The following PIEZO2 variants were observed in gnomAD, a reference collection of about 807,000 sequenced individuals.
PIEZO2 encodes the protein piezo-type mechanosensitive ion channel component 2.
Under a neutral mutation model 337.3 loss-of-function variants are expected in PIEZO2, and 172 were observed. That is an observed-to-expected ratio of 0.51 (90% CI 0.45 to 0.58). The LOEUF (loss-of-function observed/expected upper bound fraction) is 0.58. Ranked by LOEUF, PIEZO2 falls within the 20% of genes least tolerant of loss-of-function variation. The probability of loss-of-function intolerance (pLI) is 0.00; values close to 1 mark genes in which losing one functional copy is unlikely to be tolerated. For synonymous variants in PIEZO2, 1,251 were observed against 1,228.5 expected (o/e 1.02, Z -0.38); for missense variants, 3,028 against 3,391.3 (o/e 0.89, Z 2.66).
chr18:10,759,482 A>T lies in PIEZO2; in HGVS notation c.3757T>A (p.Tyr1253Asn). ...IVRPNPVFLV[Y>N]DFMLLLCASL... ...GTGGCCCTGCAGTGGAAACACTTAC[A>T]GACGAGAAACACAGGGTTGGGCCGC... is the stretch of plus-strand genomic sequence containing the variant. Residue 1253 changes from tyrosine to asparagine, a missense_variant and splice_region_variant, in exon 26 of 56, where the codon TAT becomes AAT. Coordinates refer to ENST00000674853, the MANE Select transcript of PIEZO2 (RefSeq NM_001378183.1). This position sits in a 1 kb window ranked among gnomAD's most constrained non-coding sequence, Gnocchi z 5.5. 6.5e-7 allele frequency: 1 copy of T among 1,535,978 alleles called. No individual in the cohort carries two copies. Among genetic ancestry groups the T allele is most frequent in the East Asian group, 2.4e-5 (1 of 40,908 alleles).
intron 2 of PIEZO2, among the ~76,000 whole-genome samples, chr18:11,024,870 C>T (rs1034201606): frequency 4.0e-5 from 6 of 151,440 alleles, no homozygotes; most frequent in Non-Finnish European, 8.8e-5. Flanking sequence ...AACTCCTGAT[C>T]TTAGGTGATC....
chr18:10,687,480 A>G (rs2034598200), intron 49 of PIEZO2, among the ~76,000 whole-genome samples: 1 of 126,688 alleles, frequency 7.9e-6, no homozygotes, highest in Admixed American at 8.9e-5. Context: ...TTCTGGGCAC[A>G]TAAGAATGTG....
intron 1 of PIEZO2, among the ~76,000 whole-genome samples, chr18:11,130,338 C>G (rs747750294): frequency 2.0e-4 from 30 of 152,258 alleles, no homozygotes; most frequent in Non-Finnish European, 3.7e-4. Context: ...TGGTATGCAG[C>G]CATTGACTTG....
Position 11,001,930 on chromosome 18 carries a change from G to GAAGGAAGGAAGT in PIEZO2, c.161-22271_161-22270insACTTCCTTCCTT, listed in dbSNP as rs1292966158. ...AGAAGGAAGGAAGGAAGGAAGGAAG[G>GAAGGAAGGAAGT]AAGGAAGGAAGGAAGGAAGAAAAAA... On this transcript the variant is annotated intron_variant, in intron 2 of 55. Coordinates refer to ENST00000674853, the MANE Select transcript of PIEZO2 (RefSeq NM_001378183.1). The surrounding 1 kb of genome is among the most constrained non-coding windows in gnomAD (Gnocchi z 5.3). 6.7e-6 allele frequency among the ~76,000 whole-genome samples: 1 copy of GAAGGAAGGAAGT among 149,586 alleles called. No individual in the cohort carries two copies. The highest frequency in any genetic ancestry group is 1.5e-5 in the Non-Finnish European group (1 of 67,444).
At chr18:11,062,656 A>G (rs2038008975) in intron 2 of PIEZO2, among the ~76,000 whole-genome samples, 3 of 152,264 alleles carry the variant, frequency 2.0e-5, no homozygotes, top group Admixed American at 6.5e-5. Flanking sequence ...GACACACGAA[A>G]AAATGCTCAT....
intron 29 of PIEZO2, among the ~76,000 whole-genome samples, chr18:10,749,040 G>T (rs17488092): frequency 0.62 from 94,558 of 152,020 alleles, 31,158 homozygotes; most frequent in African/African-American, 0.85. Flanking sequence ...AGAATAATGA[G>T]CACAGCATGG....
intron 3 of PIEZO2, among the ~76,000 whole-genome samples, chr18:10,967,607 C>A (rs2034064487): frequency 6.6e-6 from 1 of 152,130 alleles, no homozygotes; most frequent in African/African-American, 2.4e-5. Context: ...TCCATGCCAA[C>A]ATCTATTTTT....
intron 50 of PIEZO2, 105 bp downstream of exon 50, chr18:10,681,999 G>A (rs1013657732): frequency 5.8e-5 from 68 of 1,168,180 alleles, no homozygotes; most frequent in East Asian, 1.5e-4. Flanking sequence ...GTCAAATGCC[G>A]ACAGCAGGGT....
chr18:10,734,254 G>C (rs11080448), intron 35 of PIEZO2, among the ~76,000 whole-genome samples: 49,481 of 152,066 alleles, frequency 0.33, 8,856 homozygotes, highest in East Asian at 0.53. Flanking sequence ...AGCAGAAATG[G>C]TAAATACTAC....
At chr18:10,934,202 G>C (rs1029246867) in intron 3 of PIEZO2, among the ~76,000 whole-genome samples, 2 of 152,226 alleles carry the variant, frequency 1.3e-5, no homozygotes, top group African/African-American at 4.8e-5. Context: ...AAAAAAGGGA[G>C]TGTTAATTGA....
At chr18:10,709,753 G>A (rs1466365068) in intron 39 of PIEZO2, among the ~76,000 whole-genome samples, 2 of 152,242 alleles carry the variant, frequency 1.3e-5, no homozygotes, top group Non-Finnish European at 1.5e-5. Context: ...TGCTCCAGTG[G>A]GGCCGGCCAT....
Position 10,877,560 on chromosome 18 carries a change from A to G in PIEZO2, c.330-6145T>C, listed in dbSNP as rs942420765. On this transcript the variant is annotated intron_variant, in intron 4 of 55. Coordinates refer to ENST00000674853, the MANE Select transcript of PIEZO2 (RefSeq NM_001378183.1). The surrounding 1 kb of genome is among the most constrained non-coding windows in gnomAD (Gnocchi z 5.3). ...ACGGCTGTCATCAACCTAGTGACCA[A>G]AACAGAACCTGGAAGCTTCCATTCT... Among the ~76,000 whole-genome samples the G allele has an allele frequency of 7.2e-5, 11 of 152,122 alleles. No homozygotes were observed. The highest frequency in any genetic ancestry group is 2.6e-4 in the Admixed American group (4 of 15,278).
chr18:11,023,124 A>T (rs2036376550), intron 2 of PIEZO2, among the ~76,000 whole-genome samples: 1 of 152,156 alleles, frequency 6.6e-6, no homozygotes, highest in Non-Finnish European at 1.5e-5. Flanking sequence ...AGCAGCAGCA[A>T]GATTTACTGC....
At chr18:10,735,931 A>C (rs1242904513) in intron 34 of PIEZO2, among the ~76,000 whole-genome samples, 1 of 152,232 alleles carries the variant, frequency 6.6e-6, no homozygotes, top group East Asian at 1.9e-4. Context: ...AAAGAAACAC[A>C]GACCAATTTT....
At chr18:10,932,329 G>A (rs1038144179) in intron 3 of PIEZO2, among the ~76,000 whole-genome samples, 6 of 152,080 alleles carry the variant, frequency 3.9e-5, no homozygotes, top group Non-Finnish European at 8.8e-5. Context: ...CTGGGAAGTC[G>A]AGCCAGCAGT....
intron 1 of PIEZO2, among the ~76,000 whole-genome samples, chr18:11,120,044 G>A (rs2039988593): frequency 6.6e-6 from 1 of 152,218 alleles, no homozygotes; most frequent in Admixed American, 6.5e-5. Context: ...ATCAGAATCA[G>A]TCGGAATTGC....
chr18:11,090,768 T>C (rs756402294), intron 1 of PIEZO2, among the ~76,000 whole-genome samples: 12 of 151,844 alleles, frequency 7.9e-5, no homozygotes, highest in South Asian at 6.3e-4. Context: ...AAAAACTAGC[T>C]GGGCGTGGTG....
intron 3 of PIEZO2, among the ~76,000 whole-genome samples, chr18:10,963,674 A>G (rs755673412): frequency 1.2e-4 from 19 of 152,228 alleles, no homozygotes; most frequent in South Asian, 4.1e-4. Context: ...CTTAAAACAC[A>G]TGGAATAATA....
chr18:10,983,954 C>T (rs2034772281), intron 2 of PIEZO2, among the ~76,000 whole-genome samples: 1 of 152,042 alleles, frequency 6.6e-6, no homozygotes, highest in Admixed American at 6.6e-5. Context: ...GCACACAATC[C>T]TAAGATTTCT....
Sources: allele counts gnomAD v4.1 joint callset (sites outside exome capture counted in the v4.1 genomes callset), GRCh38; gene constraint gnomAD v4.1.1; non-coding constraint Gnocchi (gnomAD v3.1); transcripts MANE v1.5; gene names NCBI Gene and HGNC (gene_info 2026-07-23, HGNC 2026-07-21).